Variants in ZBTB7C observed in about 807,000 individuals in gnomAD.
ZBTB7C encodes the protein zinc finger and BTB domain containing 7C, also known as zinc finger and BTB domain-containing protein 7C.
A neutral mutation model predicts 25.7 loss-of-function variants in ZBTB7C; 8 were observed. The observed-to-expected ratio is 0.31, with a 90% CI of 0.18 to 0.56. The LOEUF (loss-of-function observed/expected upper bound fraction) is 0.56. Ranked by LOEUF, ZBTB7C falls within the 20% of genes least tolerant of loss-of-function variation. ZBTB7C has a pLI of 0.91. For synonymous variants in ZBTB7C, 394 were observed against 369.0 expected, an observed-to-expected ratio of 1.07 and a Z score of -0.78; for missense variants, 824 against 855.2, an observed-to-expected ratio of 0.96 and a Z score of 0.46.
Position 48,027,532 on chromosome 18 carries a change from G to A in ZBTB7C, c.*1728C>T, listed in dbSNP as rs961364144. 1 of 152,222 alleles carries A rather than the reference G, an allele frequency of 6.6e-6. No individual in the cohort carries two copies. The highest frequency in any genetic ancestry group is 1.5e-5 in the Non-Finnish European group (1 of 68,064). The allele number at this position is 152,222 out of a possible 1,614,324, so 9.4% of individuals were successfully genotyped here. On this transcript the variant is annotated 3_prime_UTR_variant, in exon 5 of 5. Transcript: ENST00000590800. ...GGCTGCCCAGGCAGATGACTTCTGA[G>A]AACAGAGGGTGTGTGTAGCAATCCT... is the stretch of plus-strand genomic sequence containing the variant.
intron 2 of ZBTB7C, among the ~76,000 whole-genome samples, chr18:48,277,704 A>C (rs2044707156): frequency 6.6e-6 from 1 of 152,200 alleles, no homozygotes; most frequent in Admixed American, 6.5e-5. Flanking sequence ...CTTCACAGTC[A>C]CGCTGGAGGC....
intron 3 of ZBTB7C, among the ~76,000 whole-genome samples, chr18:48,064,808 C>T (rs1039743952): frequency 3.9e-5 from 6 of 152,050 alleles, no homozygotes; most frequent in East Asian, 3.9e-4. Context: ...CAGGGCCCCC[C>T]GGGAGGAGTA....
intron 2 of ZBTB7C, among the ~76,000 whole-genome samples, chr18:48,270,339 C>T (rs1375342142): frequency 6.9e-6 from 1 of 144,610 alleles, no homozygotes; most frequent in Non-Finnish European, 1.5e-5. Context: ...CTCACTGCAA[C>T]CTCTGCCTCA....
In ZBTB7C at chr18:48,029,373, C is replaced by T; in HGVS notation, c.1747G>A (p.Ala583Thr). The change falls in exon 5 of 5, where the codon GCG (alanine) becomes ACG (threonine). Residue 583 changes from alanine (A) to threonine (T), a missense_variant. Ala to Thr is a moderately conservative substitution (Grantham distance 58). Around this residue, in one of 4 missense-constraint regions of ZBTB7C, gnomAD observed 342 missense variants for 307.0 expected, o/e 1.11. Coordinates refer to ENST00000590800, the MANE Select transcript of ZBTB7C (RefSeq NM_001318841.2). ...AGCGGGAAGTAGGGCCGCGCCGCCG[C>T]CACGTTCTCGGCCAGCGCGAAGGCC... ...LLAFALAENV[A>T]AARPYFPLPD... 2 of 1,553,432 alleles carry T rather than the reference C, an allele frequency of 1.3e-6. No individual in the cohort carries two copies. Among genetic ancestry groups the T allele is most frequent in the Non-Finnish European group, 1.7e-6 (2 of 1,153,608 alleles).
chr18:48,341,984 G>T (rs2046611996), intron 1 of ZBTB7C, among the ~76,000 whole-genome samples: 1 of 152,234 alleles, frequency 6.6e-6, no homozygotes, highest in South Asian at 2.1e-4. Flanking sequence ...CAGGGCCATT[G>T]TGGGGCTCAG....
At chr18:48,221,498 C>G (rs1365829387) in intron 2 of ZBTB7C, among the ~76,000 whole-genome samples, 6 of 147,314 alleles carry the variant, frequency 4.1e-5, no homozygotes, top group African/African-American at 1.5e-4. Flanking sequence ...TAGTCTCCCT[C>G]TATACTGTCC....
At chr18:48,115,404 G>A (rs1039538802) in intron 3 of ZBTB7C, among the ~76,000 whole-genome samples, 11 of 122,990 alleles carry the variant, frequency 8.9e-5, no homozygotes, top group Admixed American at 1.7e-4. Context: ...ACCCGCCACC[G>A]CACCTAGCTA....
intron 3 of ZBTB7C, among the ~76,000 whole-genome samples, chr18:48,151,500 G>T (rs1485932410): frequency 6.6e-6 from 1 of 152,136 alleles, no homozygotes; most frequent in Non-Finnish European, 1.5e-5. Context: ...TCACCACAGC[G>T]CTGCCAGCAT....
chr18:48,218,793 T>A (rs1252532747), intron 2 of ZBTB7C, among the ~76,000 whole-genome samples: 1 of 152,190 alleles, frequency 6.6e-6, no homozygotes, highest in East Asian at 1.9e-4. Context: ...CCTACAGGCC[T>A]GCCCTGCTAC....
At chr18:48,245,943 A>G (rs1173682384) in intron 2 of ZBTB7C, among the ~76,000 whole-genome samples, 3 of 152,218 alleles carry the variant, frequency 2.0e-5, no homozygotes, top group African/African-American at 7.2e-5. Context: ...TACAAACAAA[A>G]ACAATTATTA....
intron 1 of ZBTB7C, among the ~76,000 whole-genome samples, chr18:48,362,083 G>A (rs11661563): frequency 0.11 from 16,669 of 152,182 alleles, 1,062 homozygotes; most frequent in Non-Finnish European, 0.14. Flanking sequence ...ACTGAGGCTC[G>A]AAGACATGGA....
chr18:48,387,118 G>A (rs2047766255), intron 1 of ZBTB7C, among the ~76,000 whole-genome samples: 1 of 152,154 alleles, frequency 6.6e-6, no homozygotes, highest in Admixed American at 6.5e-5. Flanking sequence ...AACCAGGATG[G>A]GGAATGACAT....
At chr18:48,345,886 G>A (rs887846803) in intron 1 of ZBTB7C, among the ~76,000 whole-genome samples, 1 of 152,136 alleles carries the variant, frequency 6.6e-6, no homozygotes, top group Admixed American at 6.5e-5. Context: ...TCAATTACAT[G>A]ATCTATAAAA....
chr18:48,197,405 C>T (rs1193377848), intron 2 of ZBTB7C, among the ~76,000 whole-genome samples: 2 of 152,176 alleles, frequency 1.3e-5, no homozygotes, highest in Non-Finnish European at 2.9e-5. Flanking sequence ...AAAATAGCAG[C>T]CCCTGCTCCA....
At position 48,199,250 on chromosome 18, in the gene ZBTB7C, T is replaced by A. The variant is rs1182580792; in HGVS notation, c.-78-13255A>T. On this transcript the variant is annotated intron_variant, in intron 2 of 4. Coordinates refer to ENST00000590800, the MANE Select transcript of ZBTB7C (RefSeq NM_001318841.2). ...CATTCTCGCAGTCTGGAAGCTCTTG[T>A]ATAACTTCTCTGATACTTTCCTCTC... 3.9e-5 allele frequency among the ~76,000 whole-genome samples: 6 copies of A among 152,214 alleles called. No homozygotes were observed. The South Asian group carries it at 1.2e-3, about 32-fold the overall frequency.
intron 3 of ZBTB7C, among the ~76,000 whole-genome samples, chr18:48,103,331 G>A (rs1045554323): frequency 2.6e-5 from 4 of 151,868 alleles, no homozygotes; most frequent in South Asian, 2.1e-4. Flanking sequence ...AAAGTATCAC[G>A]GATTGTTCAA....
chr18:48,362,293 C>T (rs2047125216), intron 1 of ZBTB7C, among the ~76,000 whole-genome samples: 1 of 152,214 alleles, frequency 6.6e-6, no homozygotes, highest in Admixed American at 6.5e-5. Context: ...TCATGCTTCC[C>T]ATGGTCTGAA....
At chr18:48,301,588 T>C (rs1424256946) in intron 2 of ZBTB7C, among the ~76,000 whole-genome samples, 1 of 152,128 alleles carries the variant, frequency 6.6e-6, no homozygotes, top group Non-Finnish European at 1.5e-5. Flanking sequence ...AGCCGAGTTA[T>C]GTGAGAGTGG....
Position 48,357,549 on chromosome 18 carries a change from G to A in ZBTB7C, c.-303-19151C>T, listed in dbSNP as rs77907686. ...CCCAGGAATTCTCCCCAGGTGCCCC[G>A]GGCAGTGTAGGACTCCTCAATTTGC... On this transcript the variant is annotated intron_variant, in intron 1 of 4. Coordinates refer to ENST00000590800, the MANE Select transcript of ZBTB7C (RefSeq NM_001318841.2). 1.5e-3 allele frequency among the ~76,000 whole-genome samples: 222 copies of A among 152,304 alleles called. 1 individual carries two copies. Among genetic ancestry groups the A allele is most frequent in the African/African-American group, 5.1e-3 (212 of 41,572 alleles).
Sources: allele counts gnomAD v4.1 joint callset (sites outside exome capture counted in the v4.1 genomes callset), GRCh38; gene constraint gnomAD v4.1.1; regional missense constraint gnomAD v4.1.1; transcripts MANE v1.5; gene names NCBI Gene and HGNC (gene_info 2026-07-23, HGNC 2026-07-21).